The following MALRD1 variants were observed in gnomAD, a reference collection of about 807,000 sequenced individuals.
MALRD1 encodes MAM and LDL-receptor class A domain-containing protein 1.
A neutral mutation model predicts 242.1 loss-of-function variants in MALRD1; 247 were observed. That is an observed-to-expected ratio of 1.02 (90% confidence interval 0.92 to 1.13). MALRD1 has a LOEUF of 1.13. MALRD1 is among the 50% of genes most tolerant of loss of function. The pLI, the probability that MALRD1 is intolerant of heterozygous loss-of-function variation, is 0.00. For missense variants in MALRD1, 2,989 were observed against 2,533.1 expected, an observed-to-expected ratio of 1.18 and a Z score of -3.86; for synonymous variants, 995 against 866.6, an observed-to-expected ratio of 1.15 and a Z score of -2.60.
At chr10:19,400,749 CTCACGCCTATAA>C (rs1262371013) in intron 28 of MALRD1, among the ~76,000 whole-genome samples, 2 of 152,240 alleles carry the variant, frequency 1.3e-5, no homozygotes, top group South Asian at 4.1e-4. Context: ...GGTGTGGTAG[CTCACGCCTATAA>C]TCCCAGCACT....
At chr10:19,100,691 A>T (rs10826946) in intron 4 of MALRD1, among the ~76,000 whole-genome samples, 82,586 of 151,870 alleles carry the variant, frequency 0.54, 22,601 homozygotes, top group Middle Eastern at 0.6. Context: ...TCTGAGTGAA[A>T]ATGTCCAGCA....
intron 8 of MALRD1, among the ~76,000 whole-genome samples, chr10:19,131,360 A>G (rs1833097478): frequency 6.6e-6 from 1 of 152,142 alleles, no homozygotes; most frequent in Admixed American, 6.6e-5. Context: ...TTGAGAAGTG[A>G]AAAACTCAGG....
intron 32 of MALRD1, among the ~76,000 whole-genome samples, chr10:19,552,611 C>G (rs1835534061): frequency 6.6e-6 from 1 of 151,876 alleles, no homozygotes; most frequent in African/African-American, 2.4e-5. Flanking sequence ...ACACTACTAT[C>G]TCTCACAACA....
At chr10:19,489,265 A>G (rs531113616) in intron 29 of MALRD1, 342 of 483,280 alleles carry the variant, frequency 7.1e-4, no homozygotes, top group Non-Finnish European at 1.3e-3. Context: ...CAAAAGGGAA[A>G]AGGAGAGCAA....
chr10:19,602,022 CAAAAT>C (rs894113187), intron 34 of MALRD1, among the ~76,000 whole-genome samples: 3 of 151,682 alleles, frequency 2.0e-5, no homozygotes, highest in Non-Finnish European at 4.4e-5. Flanking sequence ...TGTGTGCATA[CAAAAT>C]AAAATAAATA....
chr10:19,597,702 G>C (rs538708054), intron 34 of MALRD1, among the ~76,000 whole-genome samples: 1 of 152,176 alleles, frequency 6.6e-6, no homozygotes, highest in African/African-American at 2.4e-5. Context: ...CTATACATTA[G>C]TGAAGGAGGC....
chr10:19,103,638 T>A (rs1435065546), intron 4 of MALRD1, among the ~76,000 whole-genome samples: 1 of 151,342 alleles, frequency 6.6e-6, no homozygotes, highest in Non-Finnish European at 1.5e-5. Flanking sequence ...GAGCTCAGGA[T>A]GGAGCATGGA....
At chr10:19,565,401 G>A (rs1836207971) in intron 32 of MALRD1, among the ~76,000 whole-genome samples, 1 of 152,098 alleles carries the variant, frequency 6.6e-6, no homozygotes, top group African/African-American at 2.4e-5. Flanking sequence ...AAGTGTTACA[G>A]TTACATTTTC....
chr10:19,466,155 C>G (rs1028505571), intron 29 of MALRD1, among the ~76,000 whole-genome samples: 1 of 151,770 alleles, frequency 6.6e-6, no homozygotes, highest in Non-Finnish European at 1.5e-5. Flanking sequence ...ATTTTCTTGC[C>G]AAGAATTTCT....
intron 12 of MALRD1, among the ~76,000 whole-genome samples, chr10:19,161,550 CAA>C: frequency 8.9e-4 from 54 of 60,840 alleles, no homozygotes; most frequent in African/African-American, 2.3e-3. Context: ...AAAAAAAAAG[CAA>C]AAAAAAAAAA....
chr10:19,237,711 T>TATTTATATATAAATATATAATTATATATA (rs1838419591), intron 18 of MALRD1, among the ~76,000 whole-genome samples: 3 of 122,224 alleles, frequency 2.5e-5, no homozygotes, highest in Non-Finnish European at 3.2e-5. Flanking sequence ...ATTATATATA[T>TATTTATATATAAATATATAATTATATATA]ATTTATATAT....
At chr10:19,250,640 C>G (rs1430932189) in intron 18 of MALRD1, among the ~76,000 whole-genome samples, 2 of 151,836 alleles carry the variant, frequency 1.3e-5, no homozygotes, top group African/African-American at 4.8e-5. Context: ...CATCTAAAAA[C>G]ATACAGAGGA....
At chr10:19,639,570 G>A (rs1840294329) in intron 36 of MALRD1, among the ~76,000 whole-genome samples, 1 of 152,164 alleles carries the variant, frequency 6.6e-6, no homozygotes, top group Non-Finnish European at 1.5e-5. Context: ...GTCCATTCCT[G>A]TAGCTCATGG....
rs1327267560 is a variant in MALRD1, at chr10:19,094,235, A to G, written c.597+6050A>G. ...TTGATCTCAGACTGCTGTGCTAGCA[A>G]TCAGCGAGATTCCGTGGGCATAGGA... On this transcript the variant is annotated intron_variant, in intron 4 of 39. Coordinates refer to ENST00000454679, the MANE Select transcript of MALRD1 (RefSeq NM_001142308.3). 1.1e-4 allele frequency among the ~76,000 whole-genome samples: 11 copies of G among 100,600 alleles called. 3 individuals carry two copies. Among genetic ancestry groups the G allele is most frequent in the Non-Finnish European group, 1.4e-4 (7 of 49,986 alleles). 66.0% of individuals were successfully genotyped at this position (100,600 alleles called of 152,430 possible). A position where few individuals can be genotyped will look rare whatever the true frequency, so the allele number is the denominator to read the frequency against.
intron 1 of MALRD1, among the ~76,000 whole-genome samples, chr10:19,055,299 A>G (rs1834629778): frequency 6.6e-6 from 1 of 152,170 alleles, no homozygotes; most frequent in Non-Finnish European, 1.5e-5. Flanking sequence ...TCTGAATATC[A>G]ACCATTATCA....
chr10:19,717,496 C>T (rs1410121336), intron 38 of MALRD1, among the ~76,000 whole-genome samples: 4 of 152,058 alleles, frequency 2.6e-5, no homozygotes, highest in African/African-American at 9.7e-5. Context: ...AACATCTGGG[C>T]CATCAGTGTA....
intron 13 of MALRD1, among the ~76,000 whole-genome samples, chr10:19,172,770 C>T (rs1835067968): frequency 6.6e-6 from 1 of 151,508 alleles, no homozygotes. Context: ...TTTTAATTGA[C>T]ATCAATGCAA....
At chr10:19,681,963 C>T (rs1842390900) in intron 36 of MALRD1, among the ~76,000 whole-genome samples, 1 of 151,136 alleles carries the variant, frequency 6.6e-6, no homozygotes, top group Admixed American at 6.6e-5. Context: ...TTAGCTGTAG[C>T]TGAGACTACA....
At chr10:19,659,547 T>C (rs1015352535) in intron 36 of MALRD1, among the ~76,000 whole-genome samples, 1 of 152,162 alleles carries the variant, frequency 6.6e-6, no homozygotes, top group Non-Finnish European at 1.5e-5. Flanking sequence ...TTCCATATAT[T>C]TTTCCTGTTC....
Sources: gnomAD v4.1 joint callset for allele counts (sites outside exome capture counted in the v4.1 genomes callset) on GRCh38, gnomAD v4.1.1 for gene constraint, MANE v1.5 for transcripts, NCBI Gene and HGNC (gene_info 2026-07-23, HGNC 2026-07-21) for gene names.